EPHA5: variants seen among roughly 807,000 people sequenced by gnomAD.
EPHA5 encodes the protein ephrin type-A receptor 5.
In EPHA5, 60 loss-of-function variants were observed where a neutral mutation model predicts 105.0. That is an observed-to-expected ratio of 0.57 (90% CI 0.46 to 0.71). The LOEUF (loss-of-function observed/expected upper bound fraction) is 0.71, where lower values mean the gene tolerates loss of function less well. EPHA5 is among the 30% of genes least tolerant of loss of function. The pLI, the probability that EPHA5 is intolerant of heterozygous loss-of-function variation, is 0.00. For synonymous variants in EPHA5, 513 were observed against 449.1 expected (o/e 1.14, Z -1.80); for missense variants, 1,218 against 1,274.7 (o/e 0.96, Z 0.68).
At chr4:65,434,677 C>T (rs1179858674) in intron 5 of EPHA5, among the ~76,000 whole-genome samples, 4 of 152,070 alleles carry the variant, frequency 2.6e-5, no homozygotes, top group Non-Finnish European at 5.9e-5. Context: ...TTCATCACTT[C>T]CCTTTTACAT....
chr4:65,567,154 A>G (rs1021126560), intron 3 of EPHA5, among the ~76,000 whole-genome samples: 2 of 151,674 alleles, frequency 1.3e-5, no homozygotes, highest in African/African-American at 4.8e-5. Flanking sequence ...ATAGATCTTT[A>G]TAAGACAAAT....
intron 16 of EPHA5, among the ~76,000 whole-genome samples, chr4:65,325,486 T>C (rs1719991614): frequency 1.3e-5 from 2 of 151,342 alleles, no homozygotes; most frequent in South Asian, 4.1e-4. Context: ...ATGCTATTGA[T>C]ATTTGTGATG....
chr4:65,413,945 C>A (rs1477584350), intron 7 of EPHA5, among the ~76,000 whole-genome samples: 1 of 152,072 alleles, frequency 6.6e-6, no homozygotes, highest in East Asian at 1.9e-4. Flanking sequence ...ACCTAGTAGC[C>A]TAGTTCAATA....
chr4:65,629,201 C>T (rs762529939), intron 2 of EPHA5, among the ~76,000 whole-genome samples: 1 of 152,148 alleles, frequency 6.6e-6, no homozygotes, highest in Non-Finnish European at 1.5e-5. Flanking sequence ...TTCATATCTA[C>T]AACATGCTTC....
chr4:65,509,260 A>C (rs1733366204), intron 3 of EPHA5, among the ~76,000 whole-genome samples: 1 of 152,144 alleles, frequency 6.6e-6, no homozygotes, highest in Non-Finnish European at 1.5e-5. Flanking sequence ...TTATTTCTAA[A>C]AGTTTCAACC....
At chr4:65,403,302 G>A (rs543264754) in intron 8 of EPHA5, among the ~76,000 whole-genome samples, 1 of 152,056 alleles carries the variant, frequency 6.6e-6, no homozygotes, top group Non-Finnish European at 1.5e-5. Flanking sequence ...GAGTCGAATA[G>A]GTGCTGAAGA....
chr4:65,508,459 C>T (rs1306312311), intron 3 of EPHA5, among the ~76,000 whole-genome samples: 1 of 152,068 alleles, frequency 6.6e-6, no homozygotes, highest in Admixed American at 6.6e-5. Flanking sequence ...ATGAATATCT[C>T]TCCTTGTACT....
intron 4 of EPHA5, among the ~76,000 whole-genome samples, chr4:65,493,209 A>G (rs1290003207): frequency 1.3e-5 from 2 of 152,166 alleles, no homozygotes; most frequent in Non-Finnish European, 2.9e-5. Flanking sequence ...ACACGCACCT[A>G]CAAAAAACAT....
chr4:65,385,757 T>C (rs762663849), intron 8 of EPHA5, among the ~76,000 whole-genome samples: 4 of 151,870 alleles, frequency 2.6e-5, no homozygotes, highest in Non-Finnish European at 4.4e-5. Context: ...TTCACAAAAA[T>C]GTACCTTTAT....
At chr4:65,540,920 C>T (rs999323778) in intron 3 of EPHA5, among the ~76,000 whole-genome samples, 7 of 149,830 alleles carry the variant, frequency 4.7e-5, no homozygotes, top group Admixed American at 1.3e-4. Flanking sequence ...TGGCAGCTAA[C>T]TTCTGTTTAA....
intron 14 of EPHA5, among the ~76,000 whole-genome samples, chr4:65,342,685 A>G: frequency 6.6e-6 from 1 of 151,872 alleles, no homozygotes; most frequent in Non-Finnish European, 1.5e-5. Flanking sequence ...CATATACAAT[A>G]TACATAAACA....
intron 5 of EPHA5, among the ~76,000 whole-genome samples, chr4:65,420,768 C>A (rs1392721512): frequency 6.6e-6 from 1 of 151,904 alleles, no homozygotes; most frequent in Non-Finnish European, 1.5e-5. Context: ...AGGATTTTTT[C>A]ATAATAAAAC....
At chr4:65,591,172 G>A (rs1490020555) in intron 3 of EPHA5, among the ~76,000 whole-genome samples, 5 of 151,898 alleles carry the variant, frequency 3.3e-5, no homozygotes, top group Admixed American at 2.0e-4. Context: ...AAAGTTTTCC[G>A]TTTTCCACAT....
intron 2 of EPHA5, among the ~76,000 whole-genome samples, chr4:65,641,005 C>G (rs1747614738): frequency 1.3e-5 from 2 of 152,146 alleles, no homozygotes; most frequent in Non-Finnish European, 2.9e-5. Flanking sequence ...AATTGCCTCT[C>G]TTTTTGACAA....
At chr4:65,398,443 T>TG (rs2148974178) in intron 8 of EPHA5, among the ~76,000 whole-genome samples, 1 of 152,230 alleles carries the variant, frequency 6.6e-6, no homozygotes, top group South Asian at 2.1e-4. Context: ...ATATTGATGG[T>TG]GGCAGGAGGC....
chr4:65,555,592 G>C (rs1308112064), intron 3 of EPHA5, among the ~76,000 whole-genome samples: 1 of 139,516 alleles, frequency 7.2e-6, no homozygotes, highest in African/African-American at 3.3e-5. Flanking sequence ...TTTCTCCAAA[G>C]TTACTAGTTT....
intron 7 of EPHA5, among the ~76,000 whole-genome samples, chr4:65,407,263 G>T (rs1366465130): frequency 6.6e-6 from 1 of 152,026 alleles, no homozygotes; most frequent in African/African-American, 2.4e-5. Context: ...GCCAGTTTGG[G>T]AACTCTCACA....
intron 3 of EPHA5, among the ~76,000 whole-genome samples, chr4:65,587,943 C>T (rs1742280861): frequency 6.6e-6 from 1 of 152,132 alleles, no homozygotes; most frequent in Non-Finnish European, 1.5e-5. Flanking sequence ...ATTAAGCTCA[C>T]AGGTGATCTA....
At chr4:65,404,322 G>A (rs980484617) in intron 8 of EPHA5, 52 bp downstream of exon 8, 4 of 1,487,522 alleles carry the variant, frequency 2.7e-6, no homozygotes, top group East Asian at 4.5e-5. Flanking sequence ...GTCAGATCAA[G>A]GTGAGGAAGA....
Sources: gnomAD v4.1 joint callset for allele counts (sites outside exome capture counted in the v4.1 genomes callset) on GRCh38, gnomAD v4.1.1 for gene constraint, MANE v1.5 for transcripts, NCBI Gene and HGNC (gene_info 2026-07-23, HGNC 2026-07-21) for gene names.